The following ADGRL3 variants were observed in gnomAD, a reference collection of about 807,000 sequenced individuals.
ADGRL3 encodes the protein calcium-independent alpha-latrotoxin receptor 3.
Under a neutral mutation model 153.5 loss-of-function variants are expected in ADGRL3, and 62 were observed. The observed-to-expected ratio is 0.40, with a 90% CI of 0.33 to 0.50. The LOEUF is 0.50. Ranked by LOEUF, ADGRL3 falls within the 20% of genes least tolerant of loss-of-function variation. The pLI, the probability that ADGRL3 is intolerant of heterozygous loss-of-function variation, is 0.47. For missense variants in ADGRL3, 1,641 were observed against 1,859.4 expected (o/e 0.88, Z 2.16); for synonymous variants, 710 against 672.5 (o/e 1.06, Z -0.86).
intron 1 of ADGRL3, among the ~76,000 whole-genome samples, chr4:61,318,857 T>C (rs1488598913): frequency 6.6e-6 from 1 of 152,224 alleles, no homozygotes; most frequent in Non-Finnish European, 1.5e-5. Flanking sequence ...TTAAAATATT[T>C]TACATAATGT....
intron 5 of ADGRL3, among the ~76,000 whole-genome samples, chr4:61,644,665 T>A (rs1013971201): frequency 2.0e-5 from 3 of 152,184 alleles, no homozygotes; most frequent in African/African-American, 7.2e-5. Context: ...TTGTTATAAT[T>A]TCTGTTCTTT....
chr4:61,851,557 G>A lies in ADGRL3; in HGVS notation c.1480+37668G>A, dbSNP rs1364328975. Among the ~76,000 whole-genome samples, 4 of 132,812 alleles carry A rather than the reference G, an allele frequency of 3.0e-5. No individual in the cohort carries two copies. In the East Asian group the frequency reaches 6.7e-4, roughly 22 times the overall value. 87.1% of individuals were successfully genotyped at this position (132,812 alleles called of 152,430 possible). On this transcript the variant is annotated intron_variant, in intron 9 of 26. Coordinates refer to ENST00000683033, the MANE Select transcript of ADGRL3 (RefSeq NM_001387552.1). ...GTGAGGCATGATCATGCCACTGCACGCCAGCATGAGCAACAGAGTGAGACC... is the reference window on the plus strand; with the variant it reads ...GTGAGGCATGATCATGCCACTGCACACCAGCATGAGCAACAGAGTGAGACC...
At chr4:62,030,670 A>T (rs1721511503) in intron 22 of ADGRL3, among the ~76,000 whole-genome samples, 1 of 151,580 alleles carries the variant, frequency 6.6e-6, no homozygotes, top group African/African-American at 2.4e-5. Context: ...CTTCATTCTC[A>T]GCTTCATCTT....
At chr4:61,879,528 G>A (rs2098496983) in intron 9 of ADGRL3, among the ~76,000 whole-genome samples, 2 of 152,068 alleles carry the variant, frequency 1.3e-5, no homozygotes, top group Non-Finnish European at 2.9e-5. Context: ...GTGGTCAGGT[G>A]TGGAATTTTT....
At chr4:61,612,630 A>G (rs115616818) in intron 5 of ADGRL3, among the ~76,000 whole-genome samples, 2,313 of 152,270 alleles carry the variant, frequency 0.015, 23 homozygotes, top group Non-Finnish European at 0.024. Context: ...CTTTTAAAAA[A>G]CCTAAAATGC....
intron 5 of ADGRL3, among the ~76,000 whole-genome samples, chr4:61,659,516 T>C (rs1308828963): frequency 6.6e-6 from 1 of 152,176 alleles, no homozygotes; most frequent in Non-Finnish European, 1.5e-5. Context: ...TCTAATTTGC[T>C]ATTTAAAAAA....
chr4:61,993,846 T>G (rs983162811), intron 19 of ADGRL3, among the ~76,000 whole-genome samples: 1 of 152,188 alleles, frequency 6.6e-6, no homozygotes, highest in Non-Finnish European at 1.5e-5. Context: ...CTGGTTTGTT[T>G]CTGCTTATAT....
chr4:61,525,439 T>C (rs893131723), intron 4 of ADGRL3, among the ~76,000 whole-genome samples: 2 of 152,082 alleles, frequency 1.3e-5, no homozygotes, highest in African/African-American at 4.8e-5. Flanking sequence ...TGAAAGGCAG[T>C]TTGTAGCTAC....
intron 2 of ADGRL3, among the ~76,000 whole-genome samples, chr4:61,403,066 AC>A (rs1439185539): frequency 1.1e-5 from 1 of 91,676 alleles, no homozygotes; most frequent in African/African-American, 3.5e-5. Flanking sequence ...TTGTGTGCAC[AC>A]AGGGAGCGGG....
At chr4:61,347,523 G>T (rs979101772) in intron 1 of ADGRL3, among the ~76,000 whole-genome samples, 1 of 152,048 alleles carries the variant, frequency 6.6e-6, no homozygotes, top group African/African-American at 2.4e-5. Flanking sequence ...ATTGAAGAAA[G>T]CAAATGCAAT....
chr4:61,781,331 C>CAAAAAAAAAAAAAAAAAAAAAAAAAAAA (rs71281828), intron 8 of ADGRL3, among the ~76,000 whole-genome samples: 8 of 64,428 alleles, frequency 1.2e-4, no homozygotes, highest in African/African-American at 5.3e-4. Flanking sequence ...ATTCTGCCTC[C>CAAAAAAAAAAAAAAAAAAAAAAAAAAAA]AAAAAAAAAA....
Position 62,072,708 on chromosome 4 carries a change from T to C in ADGRL3, c.*1800T>C, listed in dbSNP as rs1746068643. 1 of 152,130 alleles carries C rather than the reference T, an allele frequency of 6.6e-6. No homozygotes were observed. Among genetic ancestry groups the C allele is most frequent in the Non-Finnish European group, 1.5e-5 (1 of 68,002 alleles). 9.4% of individuals were successfully genotyped at this position (152,130 alleles called of 1,614,324 possible). A position where few individuals can be genotyped will look rare whatever the true frequency, so the allele number is the denominator to read the frequency against. On this transcript the variant is annotated 3_prime_UTR_variant, in exon 27 of 27. Coordinates refer to ENST00000683033, the MANE Select transcript of ADGRL3 (RefSeq NM_001387552.1). ...AATGTTGAGCAGGTTAACATATATG[T>C]TACTATTTGCTTATCTATAAACCAG...
intron 1 of ADGRL3, among the ~76,000 whole-genome samples, chr4:61,247,330 T>TTCTCCTATAGACAGACCAAGATA (rs1757499878): frequency 6.6e-6 from 1 of 152,098 alleles, no homozygotes; most frequent in Admixed American, 6.6e-5. Flanking sequence ...CCTGTGTATG[T>TTCTCCTATAGACAGACCAAGATA]TCTCCTATAG....
chr4:62,058,386 T>C (rs1738187587), intron 25 of ADGRL3, among the ~76,000 whole-genome samples: 2 of 152,196 alleles, frequency 1.3e-5, no homozygotes, highest in African/African-American at 4.8e-5. Flanking sequence ...ACTAAAATTA[T>C]AAGACTACTC....
intron 5 of ADGRL3, among the ~76,000 whole-genome samples, chr4:61,652,388 A>T (rs1370942261): frequency 6.6e-6 from 1 of 152,180 alleles, no homozygotes; most frequent in Non-Finnish European, 1.5e-5. Flanking sequence ...GTTTCTTTGG[A>T]TTAATTGATT....
At chr4:61,759,317 C>T (rs887313505) in intron 8 of ADGRL3, among the ~76,000 whole-genome samples, 5 of 152,120 alleles carry the variant, frequency 3.3e-5, no homozygotes, top group African/African-American at 7.2e-5. Context: ...ACCAATCAGA[C>T]GTAGATTTGG....
chr4:61,745,988 G>C (rs1197126730), intron 8 of ADGRL3, among the ~76,000 whole-genome samples: 1 of 152,070 alleles, frequency 6.6e-6, no homozygotes, highest in Non-Finnish European at 1.5e-5. Flanking sequence ...ACACACAAAA[G>C]CTCAAAATAA....
chr4:61,822,294 T>C (rs1008285803), intron 9 of ADGRL3, among the ~76,000 whole-genome samples: 5 of 152,224 alleles, frequency 3.3e-5, no homozygotes, highest in African/African-American at 1.2e-4. Flanking sequence ...GTATAGCTTG[T>C]TAATATTAAC....
At chr4:61,296,423 T>C (rs890616596) in intron 1 of ADGRL3, among the ~76,000 whole-genome samples, 1 of 151,758 alleles carries the variant, frequency 6.6e-6, no homozygotes, top group Non-Finnish European at 1.5e-5. Context: ...AACCTAGGCA[T>C]AAGAGAGCCT....
Sources: gnomAD v4.1 joint callset for allele counts (sites outside exome capture counted in the v4.1 genomes callset) on GRCh38, gnomAD v4.1.1 for gene constraint, MANE v1.5 for transcripts, NCBI Gene and HGNC (gene_info 2026-07-23, HGNC 2026-07-21) for gene names.